The following EPB41L4A variants were observed in gnomAD, a reference collection of about 807,000 sequenced individuals.
EPB41L4A encodes erythrocyte membrane protein band 4.1 like 4A.
Under a neutral mutation model 108.6 loss-of-function variants are expected in EPB41L4A, and 100 were observed. That is an observed-to-expected ratio of 0.92 (90% CI 0.78 to 1.09). The LOEUF is 1.09. Ranked by LOEUF, EPB41L4A falls within the 50% of genes least tolerant of loss-of-function variation. The pLI, the probability that EPB41L4A is intolerant of heterozygous loss-of-function variation, is 0.00. For synonymous variants in EPB41L4A, 319 were observed against 289.0 expected (o/e 1.10, Z -1.05); for missense variants, 1,030 against 842.7 (o/e 1.22, Z -2.75).
intron 9 of EPB41L4A, among the ~76,000 whole-genome samples, chr5:112,255,817 T>C (rs1751045761): frequency 1.3e-5 from 2 of 152,104 alleles, no homozygotes; most frequent in African/African-American, 4.8e-5. Context: ...TTATTTAATA[T>C]CTCCCCTTAG....
At chr5:112,307,561 T>C (rs1754776179) in intron 1 of EPB41L4A, 71 bp from the exon 2 acceptor site, 9 of 947,570 alleles carry the variant, frequency 9.5e-6, no homozygotes, top group Non-Finnish European at 1.5e-5. Flanking sequence ...GTCATGGTTC[T>C]CATCTTTTAT....
At chr5:112,296,931 C>T (rs555198515) in intron 2 of EPB41L4A, among the ~76,000 whole-genome samples, 1 of 152,100 alleles carries the variant, frequency 6.6e-6, no homozygotes, top group Admixed American at 6.6e-5. Flanking sequence ...CTGTGAATGC[C>T]ATTAATTCAT....
chr5:112,365,398 G>A (rs1759058206), intron 1 of EPB41L4A, among the ~76,000 whole-genome samples: 1 of 151,916 alleles, frequency 6.6e-6, no homozygotes, highest in Non-Finnish European at 1.5e-5. Flanking sequence ...TCAAATACTG[G>A]GCATAGGGAA....
Position 112,275,315 on chromosome 5 carries a change from C to T in EPB41L4A, c.335+11G>A. ...GCATGTATCTGTTCAAAAACAAAGT[C>T]AATACTATACCTGGTTATTTCTTCT... On this transcript the variant is annotated intron_variant, in intron 4 of 22. Transcript: ENST00000261486. 1.3e-6 allele frequency: 2 copies of T among 1,536,064 alleles called. No homozygotes were observed. The highest frequency in any genetic ancestry group is 1.8e-6 in the Non-Finnish European group (2 of 1,136,174).
intron 1 of EPB41L4A, among the ~76,000 whole-genome samples, chr5:112,344,448 T>C (rs1486214489): frequency 2.0e-5 from 3 of 152,226 alleles, no homozygotes; most frequent in Non-Finnish European, 4.4e-5. Flanking sequence ...TGGTTTATAG[T>C]GTTTGTTGTA....
intron 1 of EPB41L4A, among the ~76,000 whole-genome samples, chr5:112,333,621 C>T (rs926980169): frequency 2.0e-5 from 3 of 152,168 alleles, no homozygotes; most frequent in African/African-American, 4.8e-5. Flanking sequence ...TTTTCTCCCC[C>T]ACTCTCTCCC....
chr5:112,414,051 A>C (rs1762565257), intron 1 of EPB41L4A, among the ~76,000 whole-genome samples: 2 of 152,220 alleles, frequency 1.3e-5, no homozygotes, highest in African/African-American at 4.8e-5. Context: ...CAGATGGGGA[A>C]ACTGAAACTC....
chr5:112,199,806 T>A (rs1029224205), intron 15 of EPB41L4A, among the ~76,000 whole-genome samples: 1 of 152,194 alleles, frequency 6.6e-6, no homozygotes, highest in African/African-American at 2.4e-5. Flanking sequence ...CCTACCAATT[T>A]TACCTCTCAC....
At chr5:112,407,211 C>T (rs1279586011) in intron 1 of EPB41L4A, among the ~76,000 whole-genome samples, 5 of 152,258 alleles carry the variant, frequency 3.3e-5, no homozygotes, top group Middle Eastern at 3.4e-3. Flanking sequence ...GTAGCCCACA[C>T]ATTTATTGGG....
chr5:112,295,417 C>A (rs776285512), intron 2 of EPB41L4A, among the ~76,000 whole-genome samples: 1 of 152,154 alleles, frequency 6.6e-6, no homozygotes, highest in African/African-American at 2.4e-5. Context: ...TTCCCAGATT[C>A]TCACCTTCCA....
At chr5:112,389,746 CA>C (rs1760804373) in intron 1 of EPB41L4A, among the ~76,000 whole-genome samples, 1 of 152,156 alleles carries the variant, frequency 6.6e-6, no homozygotes, top group Non-Finnish European at 1.5e-5. Flanking sequence ...TCCAGAATTG[CA>C]AATAAAGCTA....
intron 1 of EPB41L4A, among the ~76,000 whole-genome samples, chr5:112,341,109 T>C (rs1190014303): frequency 2.6e-5 from 4 of 152,220 alleles, no homozygotes; most frequent in Non-Finnish European, 5.9e-5. Flanking sequence ...ACGTTTATTG[T>C]ATATTAATGT....
rs766163635 is a variant in EPB41L4A, at chr5:112,170,349, G to C, written c.1691C>G (p.Ser564Cys). Residue 564 changes from serine (S) to cysteine (C), a missense_variant, in exon 20 of 23, where the codon TCC (serine) becomes TGC (cysteine). Transcript: ENST00000261486. The stretch of plus-strand genomic sequence containing the variant: ...TTTTAATTGTTCTTCGGACAATCCG[G>C]ATGGATCCACAAGTTCTTTTCTGTA... ...KHIQKELVDP[S>C]GLSEEQLKEI... 1 of 1,611,398 alleles carries C rather than the reference G, an allele frequency of 6.2e-7. No homozygotes were observed. Among genetic ancestry groups the C allele is most frequent in the Admixed American group, 1.7e-5 (1 of 59,840 alleles).
At position 112,266,423 on chromosome 5, in the gene EPB41L4A, C is replaced by T. The variant is rs1310489996; in HGVS notation, c.336-93G>A. The T allele has an allele frequency of 1.9e-5, 15 of 795,934 alleles. No individual in the cohort carries two copies. The East Asian group carries it at 3.6e-4, about 19-fold the overall frequency. 49.3% of individuals were successfully genotyped at this position (795,934 alleles called of 1,614,324 possible). ...GATAATCAAGGTTAACAACCAATCA[C>T]CTTCAATTAAAATAAAGTCACCCCC... is the stretch of plus-strand genomic sequence containing the variant. On this transcript the variant is annotated intron_variant, in intron 4 of 22. Coordinates refer to ENST00000261486, the MANE Select transcript of EPB41L4A (RefSeq NM_022140.5).
At chr5:112,262,399 C>T in intron 7 of EPB41L4A, 95 bp downstream of exon 7, 1 of 991,408 alleles carries the variant, frequency 1.0e-6, no homozygotes, top group South Asian at 1.4e-5. Flanking sequence ...GCTTGCTAAA[C>T]AACAGGACTG....
chr5:112,408,562 A>G (rs1456092492), intron 1 of EPB41L4A, among the ~76,000 whole-genome samples: 2 of 151,852 alleles, frequency 1.3e-5, no homozygotes, highest in Non-Finnish European at 2.9e-5. Context: ...AAAAAGATAT[A>G]CAAATGACCA....
intron 1 of EPB41L4A, among the ~76,000 whole-genome samples, chr5:112,375,411 C>T (rs1053283259): frequency 6.6e-6 from 1 of 151,048 alleles, no homozygotes; most frequent in Non-Finnish European, 1.5e-5. Context: ...TACATGAGAT[C>T]CAGAGTCTCA....
At position 112,240,788 on chromosome 5, in the gene EPB41L4A, A is replaced by C. The variant is rs1392652329; in HGVS notation, c.818T>G (p.Phe273Cys). The change falls in exon 10 of 23, where the codon TTT (phenylalanine) becomes TGT (cysteine). Residue 273 changes from phenylalanine to cysteine, a missense_variant. Coordinates refer to ENST00000261486, the MANE Select transcript of EPB41L4A (RefSeq NM_022140.5). ...GKDCNETSFFFEARSKTACKH... is the reference protein window; with the variant it reads ...GKDCNETSFFCEARSKTACKH... ...GCAAGCAGTTTTACTCCGAGCTTCA[A>C]AAAAGAATGAGGTTTCGTTACACTA... The C allele has an allele frequency of 6.3e-7, 1 of 1,593,044 alleles. No homozygotes were observed. Among genetic ancestry groups the C allele is most frequent in the Non-Finnish European group, 8.5e-7 (1 of 1,174,118 alleles).
At position 112,385,973 on chromosome 5, in the gene EPB41L4A, G is replaced by A. The variant is rs144955269; in HGVS notation, c.99+32968C>T. On this transcript the variant is annotated intron_variant, in intron 1 of 22. Transcript: ENST00000261486. ...AGAAATAGTTGTGAGCTCATTGTTAGCCAAATAATTAAATTTTTAATATGG... is the reference window on the plus strand; with the variant it reads ...AGAAATAGTTGTGAGCTCATTGTTAACCAAATAATTAAATTTTTAATATGG... 4.4e-4 allele frequency among the ~76,000 whole-genome samples: 67 copies of A among 152,294 alleles called. No homozygotes were observed. In the East Asian group the frequency reaches 0.013, roughly 29 times the overall value.
Sources: gnomAD v4.1 joint callset for allele counts (sites outside exome capture counted in the v4.1 genomes callset) on GRCh38, gnomAD v4.1.1 for gene constraint, MANE v1.5 for transcripts, NCBI Gene and HGNC (gene_info 2026-07-23, HGNC 2026-07-21) for gene names.